IFT81: variants seen among roughly 807,000 people sequenced by gnomAD.
The protein encoded by IFT81 is intraflagellar transport 81.
A neutral mutation model predicts 102.6 loss-of-function variants in IFT81; 72 were observed. That is an observed-to-expected ratio of 0.70 (90% confidence interval 0.58 to 0.85). The LOEUF (loss-of-function observed/expected upper bound fraction) is 0.85. IFT81 is among the 40% of genes least tolerant of loss of function. IFT81 has a pLI of 0.00. For missense variants in IFT81, 723 were observed against 787.3 expected (o/e 0.92, Z 0.98); for synonymous variants, 237 against 242.7 (o/e 0.98, Z 0.22).
chr12:110,168,640 G>C (rs892762290), intron 11 of IFT81: 2 of 160,898 alleles, frequency 1.2e-5, no homozygotes, highest in African/African-American at 4.8e-5. Flanking sequence ...TGACTAAAAT[G>C]GACAAAAAGT....
At chr12:110,203,607 G>A in intron 14 of IFT81, 1 of 373,906 alleles carries the variant, frequency 2.7e-6, no homozygotes, top group South Asian at 3.0e-5. Flanking sequence ...AAGAATTTTT[G>A]GCTGTTTTAT....
intron 12 of IFT81, among the ~76,000 whole-genome samples, chr12:110,182,274 T>C (rs1388967761): frequency 1.3e-5 from 2 of 152,228 alleles, no homozygotes; most frequent in Non-Finnish European, 2.9e-5. Context: ...TATAGGATTC[T>C]AGTTGGTCGC....
intron 11 of IFT81, among the ~76,000 whole-genome samples, chr12:110,172,575 GA>G (rs1222984125): frequency 1.3e-5 from 2 of 152,194 alleles, no homozygotes; most frequent in Non-Finnish European, 2.9e-5. Context: ...TTTTGGTGGA[GA>G]CAGGGTTTCG....
chr12:110,198,885 C>T lies in IFT81; in HGVS notation c.1558-4979C>T, dbSNP rs145149982. 5.2e-3 allele frequency among the ~76,000 whole-genome samples: 794 copies of T among 151,570 alleles called. 6 individuals are homozygous for T. The highest frequency in any genetic ancestry group is 0.018 in the African/African-American group (733 of 41,332). Reference sequence around the variant, plus strand: ...AGTGCAGTGTTGCAGTCTCAGCTCACTGCAACCTCCGTGTCCCGGGTTCAA... The same window carrying T: ...AGTGCAGTGTTGCAGTCTCAGCTCATTGCAACCTCCGTGTCCCGGGTTCAA... On this transcript the variant is annotated intron_variant, in intron 14 of 18. Transcript: ENST00000242591.
At position 110,132,700 on chromosome 12, in the gene IFT81, T is replaced by C. The variant is rs1593278364; in HGVS notation, c.519+64T>C. 3.5e-6 allele frequency: 3 copies of C among 848,530 alleles called. No individual in the cohort carries two copies. In the East Asian group the frequency reaches 7.9e-5, roughly 22 times the overall value. 52.6% of individuals were successfully genotyped at this position (848,530 alleles called of 1,614,324 possible). A position where few individuals can be genotyped will look rare whatever the true frequency, so the allele number is the denominator to read the frequency against. On this transcript the variant is annotated intron_variant, in intron 5 of 18. Coordinates refer to ENST00000242591, the MANE Select transcript of IFT81 (RefSeq NM_014055.4). ...TTGAATAATATTGGATTTAGCATTT[T>C]ATTAATTCAGTATGAGTCTTAAGAC...
intron 14 of IFT81, among the ~76,000 whole-genome samples, chr12:110,198,031 A>T (rs1898093323): frequency 6.6e-6 from 1 of 152,180 alleles, no homozygotes; most frequent in Non-Finnish European, 1.5e-5. Context: ...TTATTTGTAC[A>T]TCTCTAAAAG....
At chr12:110,201,338 G>A (rs563937499) in intron 14 of IFT81, among the ~76,000 whole-genome samples, 2 of 151,420 alleles carry the variant, frequency 1.3e-5, no homozygotes, top group African/African-American at 4.8e-5. Flanking sequence ...GGAGGCAGAG[G>A]TTGTAGTGAG....
chr12:110,168,519 T>C (rs984670073), intron 11 of IFT81: 1 of 814,892 alleles, frequency 1.2e-6, no homozygotes, highest in African/African-American at 1.9e-5. Context: ...TTATACTACA[T>C]TAATTTTTTT....
intron 10 of IFT81, among the ~76,000 whole-genome samples, chr12:110,155,415 A>T (rs1402547952): frequency 2.0e-5 from 3 of 151,820 alleles, no homozygotes; most frequent in African/African-American, 7.3e-5. Context: ...AGTTCAAGCG[A>T]TTCTCCTGCC....
Position 110,180,509 on chromosome 12 carries a change from G to A in IFT81, c.1276G>A (p.Gly426Ser), listed in dbSNP as rs767006354. ...QIIAELKAEF[G>S]LLQRTEELLK... is the part of the protein sequence containing the mutation. Reference sequence around the variant, plus strand: ...AATAGCTGAACTTAAAGCTGAATTCGGTCTTTTGCAGAGGACTGAAGAACT... The same window carrying A: ...AATAGCTGAACTTAAAGCTGAATTCAGTCTTTTGCAGAGGACTGAAGAACT... The change falls in exon 12 of 19, where the codon GGT (glycine) becomes AGT (serine). Residue 426 changes from glycine (G) to serine (S), a missense_variant. Transcript: ENST00000242591. The A allele has an allele frequency of 1.5e-5, 24 of 1,610,190 alleles. No homozygotes were observed. The highest frequency in any genetic ancestry group is 1.3e-4 in the Admixed American group (8 of 59,934).
In IFT81 at chr12:110,209,188, A is replaced by G; in HGVS notation, c.1820A>G (p.Asn607Ser). 6.4e-7 allele frequency: 1 copy of G among 1,552,634 alleles called. No individual in the cohort carries two copies. The highest frequency in any genetic ancestry group is 8.9e-7 in the Non-Finnish European group (1 of 1,128,272). Residue 607 changes from asparagine (N) to serine (S), a missense_variant, in exon 18 of 19, where the codon AAT (asparagine) becomes AGT (serine). Asn to Ser is a conservative substitution (Grantham distance 46, BLOSUM62 1). Transcript: ENST00000242591. ...CTCCCTAGGGAACAGTATACCAAAA[A>G]TACTGCTGAACAAGAAAACCTTGGA... ...RKAIREQYTK[N>S]TAEQENLGKK... is the part of the protein sequence containing the mutation.
chr12:110,146,836 C>A (rs2137374300), intron 9 of IFT81, 117 bp from the exon 10 acceptor site: 1 of 1,258,482 alleles, frequency 7.9e-7, no homozygotes, highest in Non-Finnish European at 1.0e-6. Context: ...GAAACTGAGA[C>A]CTTGTCTTTA....
chr12:110,127,633 T>C (rs1307030498), intron 2 of IFT81, 109 bp downstream of exon 2: 4 of 1,000,256 alleles, frequency 4.0e-6, no homozygotes, highest in East Asian at 2.9e-5. Flanking sequence ...TTATTTTCCA[T>C]GTCTGTAAAG....
chr12:110,209,164 T>A lies in IFT81; in HGVS notation c.1803-7T>A, dbSNP rs753718005. The A allele has an allele frequency of 1.3e-6, 2 of 1,487,140 alleles. No individual in the cohort carries two copies. The highest frequency in any genetic ancestry group is 2.3e-5 in the East Asian group (1 of 43,822). 92.1% of individuals were successfully genotyped at this position (1,487,140 alleles called of 1,614,324 possible). ...ATTGAAAGTAAATCATTATGTTGACTCCCTAGGGAACAGTATACCAAAAAT... is the reference window on the plus strand; with the variant it reads ...ATTGAAAGTAAATCATTATGTTGACACCCTAGGGAACAGTATACCAAAAAT... On this transcript the variant is annotated splice_polypyrimidine_tract_variant and splice_region_variant and intron_variant, in intron 17 of 18. Transcript: ENST00000242591.
intron 9 of IFT81, among the ~76,000 whole-genome samples, chr12:110,144,261 G>T (rs1440763981): frequency 6.6e-6 from 1 of 151,196 alleles, no homozygotes; most frequent in Non-Finnish European, 1.5e-5. Flanking sequence ...CTGTTGCCCA[G>T]GCTGGAGTGC....
intron 14 of IFT81, 80 bp from the exon 15 acceptor site, chr12:110,203,784 A>G (rs1898426413): frequency 1.1e-6 from 1 of 873,884 alleles, no homozygotes; most frequent in African/African-American, 1.7e-5. Context: ...TACAAGACTG[A>G]CAAGGGCATG....
At chr12:110,188,637 T>C (rs1897657600) in intron 12 of IFT81, among the ~76,000 whole-genome samples, 1 of 150,954 alleles carries the variant, frequency 6.6e-6, no homozygotes, top group South Asian at 2.1e-4. Context: ...AAAATGTCTT[T>C]TGTCAGGCTG....
chr12:110,203,800 T>C, intron 14 of IFT81, 64 bp from the exon 15 acceptor site: 1 of 1,076,432 alleles, frequency 9.3e-7, no homozygotes, highest in Non-Finnish European at 1.4e-6. Context: ...GCATGCATTG[T>C]TTCAGAGCCA....
intron 12 of IFT81, among the ~76,000 whole-genome samples, chr12:110,181,866 G>A (rs1009036776): frequency 1.4e-4 from 21 of 152,156 alleles, no homozygotes; most frequent in Non-Finnish European, 7.3e-5. Flanking sequence ...AGAAGGAGGG[G>A]AGTGAGGGAA....
Sources: gnomAD v4.1 joint callset for allele counts (sites outside exome capture counted in the v4.1 genomes callset) on GRCh38, gnomAD v4.1.1 for gene constraint, MANE v1.5 for transcripts, NCBI Gene and HGNC (gene_info 2026-07-23, HGNC 2026-07-21) for gene names.